The following FARP2 variants were observed in gnomAD, a reference collection of about 807,000 sequenced individuals.
FARP2 encodes FERM, ARH/RhoGEF and pleckstrin domain protein 2.
In FARP2, 111 loss-of-function variants were observed where a neutral mutation model predicts 130.5. The ratio of observed to expected loss-of-function variants is 0.85; its 90% CI spans 0.73 to 1.00. The LOEUF is 1.00. Ranked by LOEUF, FARP2 falls within the 50% of genes least tolerant of loss-of-function variation. The pLI is 0.00. For synonymous variants in FARP2, 504 were observed against 516.9 expected (o/e 0.98, Z 0.34); for missense variants, 1,385 against 1,346.3 (o/e 1.03, Z -0.45).
intron 8 of FARP2, among the ~76,000 whole-genome samples, chr2:241,426,472 G>A (rs940715691): frequency 2.0e-5 from 3 of 152,184 alleles, no homozygotes; most frequent in African/African-American, 7.2e-5. Context: ...AGGGGTAGGT[G>A]TGAGGTATTG....
In FARP2 at chr2:241,493,386, C is replaced by A; in HGVS notation, c.2989C>A (p.Leu997Ile). ...CATACACAAAGACTATGTTTTCAAG[C>A]TCCAGTTCAAATCCCACGTCTACTT... The part of the protein sequence containing the change: ...DGIHKDYVFK[L>I]QFKSHVYFFR... The change falls in exon 26 of 27, where the codon CTC becomes ATC. Residue 997 changes from leucine (L) to isoleucine (I), a missense_variant. Coordinates refer to ENST00000264042, the MANE Select transcript of FARP2 (RefSeq NM_014808.4). 1 of 1,613,978 alleles carries A rather than the reference C, an allele frequency of 6.2e-7. No individual in the cohort carries two copies. Among genetic ancestry groups the A allele is most frequent in the South Asian group, 1.1e-5 (1 of 91,084 alleles).
At position 241,441,379 on chromosome 2, in the gene FARP2, T is replaced by G. The variant is rs971097956; in HGVS notation, c.1234T>G (p.Ser412Ala). ...SANAFYSLSP[S>A]TLVPSGLPEF... ...GAATGCCTTTTACTCGCTCTCTCCC[T>G]CCACTCTGGTCCCCTCTGGCCTGCC... Residue 412 changes from serine (S) to alanine (A), a missense_variant, in exon 13 of 27, where the codon TCC (serine) becomes GCC (alanine). Ser to Ala is a moderately conservative substitution (Grantham distance 99, BLOSUM62 1). Coordinates refer to ENST00000264042, the MANE Select transcript of FARP2 (RefSeq NM_014808.4). 4 of 1,614,204 alleles carry G rather than the reference T, an allele frequency of 2.5e-6. No homozygotes were observed. Among genetic ancestry groups the G allele is most frequent in the Admixed American group, 1.7e-5 (1 of 60,030 alleles).
At chr2:241,481,134 C>CA (rs1376817057) in intron 19 of FARP2, among the ~76,000 whole-genome samples, 1 of 151,104 alleles carries the variant, frequency 6.6e-6, no homozygotes, top group Non-Finnish European at 1.5e-5. Flanking sequence ...GAGGCTGAGG[C>CA]AAGTGGATCA....
At chr2:241,466,830 C>T (rs55811034) in intron 17 of FARP2, among the ~76,000 whole-genome samples, 17,072 of 152,170 alleles carry the variant, frequency 0.11, 1,235 homozygotes, top group Non-Finnish European at 0.15. Flanking sequence ...GTAAATACGG[C>T]CAGCTCTTGT....
intron 19 of FARP2, 114 bp from the exon 20 acceptor site, chr2:241,483,351 G>A (rs1462335309): frequency 8.2e-6 from 7 of 854,440 alleles, no homozygotes; most frequent in Non-Finnish European, 1.4e-5. Flanking sequence ...CCCTCATTGG[G>A]AGGAGCCAGA....
At chr2:241,376,981 G>A (rs1025647797) in intron 2 of FARP2, among the ~76,000 whole-genome samples, 3 of 152,190 alleles carry the variant, frequency 2.0e-5, no homozygotes, top group Non-Finnish European at 4.4e-5. Flanking sequence ...GAATGAAATC[G>A]AAAGTTAGAT....
At chr2:241,374,769 A>G (rs559470358) in intron 2 of FARP2, among the ~76,000 whole-genome samples, 1 of 152,318 alleles carries the variant, frequency 6.6e-6, no homozygotes, top group South Asian at 2.1e-4. Flanking sequence ...GGCCATGGTA[A>G]CTGAAACTGG....
chr2:241,441,262 A>G (rs946030865), intron 12 of FARP2, 42 bp from the exon 13 acceptor site: 4 of 1,524,114 alleles, frequency 2.6e-6, no homozygotes, highest in Non-Finnish European at 2.6e-6. Flanking sequence ...GGTAATTTGT[A>G]ATTTTATATC....
chr2:241,439,826 T>C (rs1463346605), intron 12 of FARP2, among the ~76,000 whole-genome samples: 2 of 151,942 alleles, frequency 1.3e-5, no homozygotes, highest in African/African-American at 4.8e-5. Context: ...TGAGGCATGG[T>C]AGGCGCGTAT....
Position 241,435,908 on chromosome 2 carries a change from A to ATTT in FARP2, c.1101-553_1101-551dup, listed in dbSNP as rs34703186. Among the ~76,000 whole-genome samples the ATTT allele has an allele frequency of 1.6e-3, 163 of 100,990 alleles. 2 individuals are homozygous for ATTT. Among genetic ancestry groups the ATTT allele is most frequent in the East Asian group, 4.4e-3 (14 of 3,156 alleles). 66.3% of individuals were successfully genotyped at this position (100,990 alleles called of 152,430 possible). ...TATATATTTTTACATAGTATAGTAAATTTTTTTTTTTTTTTTTTTTTTGAG... is the reference window on the plus strand; with the variant it reads ...TATATATTTTTACATAGTATAGTAAATTTTTTTTTTTTTTTTTTTTTTTTTGAG... On this transcript the variant is annotated intron_variant, in intron 11 of 26. Coordinates refer to ENST00000264042, the MANE Select transcript of FARP2 (RefSeq NM_014808.4).
intron 1 of FARP2, among the ~76,000 whole-genome samples, chr2:241,359,119 A>C (rs891733801): frequency 6.6e-6 from 1 of 152,210 alleles, no homozygotes; most frequent in African/African-American, 2.4e-5. Flanking sequence ...AAAAGTTGAA[A>C]TGGTGTGTAC....
At chr2:241,466,650 A>G (rs1473356567) in intron 17 of FARP2, 10 of 855,596 alleles carry the variant, frequency 1.2e-5, no homozygotes, top group Non-Finnish European at 1.3e-5. Flanking sequence ...CCTCACCCCC[A>G]GGCAGCGGGC....
chr2:241,420,118 T>C (rs2062768853), intron 8 of FARP2, among the ~76,000 whole-genome samples: 1 of 152,232 alleles, frequency 6.6e-6, no homozygotes, highest in Non-Finnish European at 1.5e-5. Context: ...GCCACTGCAC[T>C]GCAGCCTGGG....
chr2:241,399,585 CA>C (rs1165247574), intron 2 of FARP2, among the ~76,000 whole-genome samples: 1 of 152,236 alleles, frequency 6.6e-6, no homozygotes, highest in Non-Finnish European at 1.5e-5. Flanking sequence ...GCTGGGATTA[CA>C]GGCATGAGCC....
chr2:241,472,420 C>T (rs11679747), intron 18 of FARP2, among the ~76,000 whole-genome samples: 1 of 144,860 alleles, frequency 6.9e-6, no homozygotes, highest in African/African-American at 2.6e-5. Context: ...TGTTTTGAGG[C>T]GACCCTGTTC....
intron 19 of FARP2, chr2:241,478,720 A>G: frequency 2.1e-6 from 1 of 467,454 alleles, no homozygotes. Flanking sequence ...AAATTAGAGA[A>G]CAAGAGAGCA....
intron 2 of FARP2, among the ~76,000 whole-genome samples, chr2:241,373,502 A>G (rs1213171185): frequency 6.6e-6 from 1 of 152,170 alleles, no homozygotes; most frequent in African/African-American, 2.4e-5. Context: ...TTGTAGTACA[A>G]TTTGGTCTTT....
At chr2:241,423,974 T>TA (rs1311324670) in intron 8 of FARP2, among the ~76,000 whole-genome samples, 4 of 152,146 alleles carry the variant, frequency 2.6e-5, no homozygotes, top group African/African-American at 4.8e-5. Context: ...CTTAAAGATC[T>TA]AAAAAACGAC....
At position 241,441,754 on chromosome 2, in the gene FARP2, G is replaced by C. The variant is rs568047113; in HGVS notation, c.1411+198G>C. On this transcript the variant is annotated intron_variant, in intron 13 of 26. Transcript: ENST00000264042. ...GCACCGGTGTGACCGGCAGTGTCGT[G>C]GGGGGGCCCCTGCTTTCACATTGAC... 162 of 800,558 alleles carry C rather than the reference G, an allele frequency of 2.0e-4. 2 individuals are homozygous for C. In the South Asian group the frequency reaches 2.6e-3, roughly 13 times the overall value. The allele number at this position is 800,558 out of a possible 1,614,324, so 49.6% of individuals were successfully genotyped here. A position where few individuals can be genotyped will look rare whatever the true frequency, so the allele number is the denominator to read the frequency against.
Sources: gnomAD v4.1 joint callset for allele counts (sites outside exome capture counted in the v4.1 genomes callset) on GRCh38, gnomAD v4.1.1 for gene constraint, MANE v1.5 for transcripts, NCBI Gene and HGNC (gene_info 2026-07-23, HGNC 2026-07-21) for gene names.